Variants in KIF5C observed in about 807,000 individuals in gnomAD.
KIF5C encodes kinesin family member 5C, also known as kinesin heavy chain isoform 5C.
In KIF5C, 18 loss-of-function variants were observed where a neutral mutation model predicts 125.2. The observed-to-expected ratio is 0.14, with a 90% CI of 0.10 to 0.21. KIF5C has a LOEUF of 0.21. Among genes scored for constraint, KIF5C ranks in the 10% least tolerant of loss-of-function variants. The pLI, the probability that KIF5C is intolerant of heterozygous loss-of-function variation, is 1.00. For missense variants in KIF5C, 780 were observed against 1,183.8 expected (o/e 0.66, Z 5.01); for synonymous variants, 405 against 434.0 (o/e 0.93, Z 0.83).
At chr2:148,938,826 C>A (rs1225909705) in intron 4 of KIF5C, among the ~76,000 whole-genome samples, 1 of 152,022 alleles carries the variant, frequency 6.6e-6, no homozygotes, top group Non-Finnish European at 1.5e-5. Flanking sequence ...TGGCTCAGAC[C>A]TGTAATCCCA....
intron 1 of KIF5C, among the ~76,000 whole-genome samples, chr2:148,911,727 A>G (rs1240661317): frequency 6.6e-6 from 1 of 152,150 alleles, no homozygotes; most frequent in Non-Finnish European, 1.5e-5. Flanking sequence ...TCTTGGATGA[A>G]CCCAGGGCTC....
chr2:148,894,126 T>A (rs1207783241), intron 1 of KIF5C, among the ~76,000 whole-genome samples: 2 of 152,230 alleles, frequency 1.3e-5, no homozygotes, highest in Non-Finnish European at 2.9e-5. Context: ...AAAGTGGTTT[T>A]GCAGTGGTTT....
At chr2:148,961,826 T>C (rs1682935262) in intron 10 of KIF5C, 145 bp from the exon 11 acceptor site, 1 of 1,162,908 alleles carries the variant, frequency 8.6e-7, no homozygotes, top group Admixed American at 2.6e-5. Context: ...GTTAGTCCAA[T>C]TAGGAGGATG....
chr2:148,947,265 C>A (rs1682540052), intron 8 of KIF5C: 6 of 513,880 alleles, frequency 1.2e-5, no homozygotes, highest in Non-Finnish European at 2.0e-5. Flanking sequence ...CCCTGATGGG[C>A]CCTTATGATG....
At chr2:148,879,094 A>C (rs1054937633) in intron 1 of KIF5C, 3 of 152,150 alleles carry the variant, frequency 2.0e-5, no homozygotes, top group Non-Finnish European at 2.9e-5. Flanking sequence ...TTCTCTGACC[A>C]CACCAGCCAC....
chr2:148,950,677 C>T lies in KIF5C; in HGVS notation c.968+215C>T, dbSNP rs142835429. Among the ~76,000 whole-genome samples, 589 of 152,258 alleles carry T rather than the reference C, an allele frequency of 3.9e-3. 3 individuals are homozygous for T. The highest frequency in any genetic ancestry group is 0.013 in the African/African-American group (558 of 41,528). On this transcript the variant is annotated intron_variant, in intron 10 of 25. Transcript: ENST00000435030. ...TACAAAAATTAGCCGGCCGTGGTGG[C>T]ATGCGCCTGTGGTCCCAGCTACTTG...
chr2:148,892,686 T>G (rs543481038), intron 1 of KIF5C, among the ~76,000 whole-genome samples: 1 of 152,246 alleles, frequency 6.6e-6, no homozygotes, highest in Non-Finnish European at 1.5e-5. Flanking sequence ...TATGAATGTT[T>G]AGATGTACTA....
intron 12 of KIF5C, among the ~76,000 whole-genome samples, chr2:148,977,212 G>T (rs1490309579): frequency 6.6e-6 from 1 of 152,216 alleles, no homozygotes; most frequent in Non-Finnish European, 1.5e-5. Flanking sequence ...CCCAGGTGGG[G>T]CCAGGGGCCC....
At chr2:148,921,287 C>G (rs1681776271) in intron 1 of KIF5C, among the ~76,000 whole-genome samples, 1 of 152,198 alleles carries the variant, frequency 6.6e-6, no homozygotes, top group Non-Finnish European at 1.5e-5. Context: ...CTGGGGAAAT[C>G]TCTTGATTTA....
At chr2:148,993,354 T>C (rs1681577863) in intron 16 of KIF5C, among the ~76,000 whole-genome samples, 1 of 152,214 alleles carries the variant, frequency 6.6e-6, no homozygotes, top group African/African-American at 2.4e-5. Flanking sequence ...AAAGTTCTCT[T>C]TCTGCATCAG....
chr2:148,941,551 T>C, intron 4 of KIF5C, 59 bp from the exon 5 acceptor site: 1 of 1,547,282 alleles, frequency 6.5e-7, no homozygotes, highest in African/African-American at 1.4e-5. Flanking sequence ...GTACTAATAA[T>C]GGCATTTTTG....
At chr2:148,994,699 C>T (rs1487619179) in intron 17 of KIF5C, among the ~76,000 whole-genome samples, 161 bp downstream of exon 17, 5 of 151,326 alleles carry the variant, frequency 3.3e-5, no homozygotes, top group African/African-American at 1.2e-4. Context: ...TCTTTTCTTT[C>T]TTTCTTTCTT....
intron 14 of KIF5C, among the ~76,000 whole-genome samples, 157 bp from the exon 15 acceptor site, chr2:148,983,463 G>A (rs186012220): frequency 9.3e-4 from 142 of 152,314 alleles, no homozygotes; most frequent in Non-Finnish European, 1.7e-3. Flanking sequence ...TCTTATCCAA[G>A]AATGCAGTGC....
intron 4 of KIF5C, among the ~76,000 whole-genome samples, chr2:148,940,215 T>C (rs1471326683): frequency 6.7e-6 from 1 of 149,956 alleles, no homozygotes; most frequent in Non-Finnish European, 1.5e-5. Context: ...GGATTGGAGG[T>C]CAGACAGACC....
chr2:148,950,257 T>A (rs1682626688), intron 9 of KIF5C, 57 bp from the exon 10 acceptor site: 1 of 1,583,844 alleles, frequency 6.3e-7, no homozygotes, highest in South Asian at 1.2e-5. Flanking sequence ...CTTGCTTGCC[T>A]CTGTGTTTTT....
intron 25 of KIF5C, among the ~76,000 whole-genome samples, chr2:149,017,942 G>A (rs1682414734): frequency 6.6e-6 from 1 of 152,132 alleles, no homozygotes; most frequent in Non-Finnish European, 1.5e-5. Context: ...AGAGCTAGGT[G>A]CAATGCGACC....
intron 1 of KIF5C, among the ~76,000 whole-genome samples, chr2:148,905,764 C>T (rs1389058927): frequency 6.6e-6 from 1 of 151,990 alleles, no homozygotes; most frequent in Non-Finnish European, 1.5e-5. Flanking sequence ...AAAGACATGC[C>T]CGAGACTGGG....
chr2:148,999,495 A>C (rs535498964), intron 19 of KIF5C, among the ~76,000 whole-genome samples: 140 of 152,322 alleles, frequency 9.2e-4, no homozygotes, highest in Admixed American at 2.9e-3. Flanking sequence ...CAAAAGTCTA[A>C]ATGGTGTGAC....
rs73966645 is a variant in KIF5C at position 148,918,340 on chromosome 2, T to G, written c.127-3797T>G. ...ATAAATTGAAACAGGTTTGCCTACA[T>G]GGGGTTAGGACTTGGGATTTATATG... On this transcript the variant is annotated intron_variant, in intron 1 of 25. Coordinates refer to ENST00000435030, the MANE Select transcript of KIF5C (RefSeq NM_004522.3). Among the ~76,000 whole-genome samples, 927 of 152,324 alleles carry G rather than the reference T, an allele frequency of 6.1e-3. 3 individuals carry two copies. The highest frequency in any genetic ancestry group is 0.021 in the African/African-American group (881 of 41,572).
Sources: allele counts gnomAD v4.1 joint callset (sites outside exome capture counted in the v4.1 genomes callset), GRCh38; gene constraint gnomAD v4.1.1; transcripts MANE v1.5; gene names NCBI Gene and HGNC (gene_info 2026-07-23, HGNC 2026-07-21).